The following CSTF3 variants were observed in gnomAD, a reference collection of about 807,000 sequenced individuals.
CSTF3 encodes cleavage stimulation factor subunit 3.
CSTF3 carries 29 observed loss-of-function variants against 105.8 expected under a neutral mutation model. The observed-to-expected ratio is 0.27, with a 90% CI of 0.20 to 0.37. The LOEUF is 0.37. Among genes scored for constraint, CSTF3 ranks in the 10% least tolerant of loss-of-function variants. The probability of loss-of-function intolerance (pLI) is 1.00; values close to 1 mark genes in which losing one functional copy is unlikely to be tolerated. For missense variants in CSTF3, 357 were observed against 879.3 expected, an observed-to-expected ratio of 0.41 and a Z score of 7.51; for synonymous variants, 252 against 281.9, an observed-to-expected ratio of 0.89 and a Z score of 1.06.
intron 17 of CSTF3, among the ~76,000 whole-genome samples, chr11:33,087,786 A>G (rs189462372): frequency 6.6e-6 from 1 of 152,224 alleles, no homozygotes; most frequent in Non-Finnish European, 1.5e-5. Context: ...CACACAGCTA[A>G]TAAGAAGTAG....
At chr11:33,137,486 A>C (rs1458016662) in intron 3 of CSTF3, among the ~76,000 whole-genome samples, 2 of 151,844 alleles carry the variant, frequency 1.3e-5, no homozygotes, top group African/African-American at 4.8e-5. Flanking sequence ...AGATAATTCA[A>C]TAAAACCTAA....
chr11:33,148,114 G>A (rs1443995487), intron 1 of CSTF3, among the ~76,000 whole-genome samples: 1 of 152,078 alleles, frequency 6.6e-6, no homozygotes, highest in Non-Finnish European at 1.5e-5. Flanking sequence ...ATCAGGTAAG[G>A]TATACCATAT....
intron 3 of CSTF3, among the ~76,000 whole-genome samples, chr11:33,135,326 A>C (rs1010281619): frequency 6.6e-6 from 1 of 152,200 alleles, no homozygotes; most frequent in African/African-American, 2.4e-5. Flanking sequence ...GAGACTAATC[A>C]CTTTATTGTC....
intron 13 of CSTF3, among the ~76,000 whole-genome samples, chr11:33,097,575 G>A (rs1255423759): frequency 6.6e-6 from 1 of 152,138 alleles, no homozygotes; most frequent in Non-Finnish European, 1.5e-5. Flanking sequence ...CACCATTTTA[G>A]CCAGGCTGGT....
intron 17 of CSTF3, among the ~76,000 whole-genome samples, chr11:33,089,894 G>T (rs182188938): frequency 6.6e-6 from 1 of 152,166 alleles, no homozygotes; most frequent in African/African-American, 2.4e-5. Context: ...TATCAGCAAG[G>T]GCTGTTACTG....
At position 33,141,676 on chromosome 11, in the gene CSTF3, A is replaced by G. The variant is rs764267832; in HGVS notation, c.216T>C (p.Ile72=). Residue 72 remains isoleucine (I), a synonymous_variant, in exon 3 of 21, where the codon ATT becomes ATC. Coordinates refer to ENST00000323959, the MANE Select transcript of CSTF3 (RefSeq NM_001326.3). The part of the protein sequence containing the change: ...PSSGRFWKLY[I]EAEIKAKNYD... ...AAAATAAAATAGTAACCTCTGCTTC[A>G]ATGTACAGTTTCCAGAATCTGCCAG... 1 of 1,612,408 alleles carries G rather than the reference A, an allele frequency of 6.2e-7. No individual in the cohort carries two copies. Among genetic ancestry groups the G allele is most frequent in the Non-Finnish European group, 8.5e-7 (1 of 1,179,494 alleles).
intron 9 of CSTF3, 88 bp from the exon 10 acceptor site, chr11:33,102,427 C>A: frequency 8.5e-7 from 1 of 1,173,666 alleles, no homozygotes; most frequent in Non-Finnish European, 1.2e-6. Context: ...GAAGACTGTT[C>A]AAGATGCCTA....
intron 5 of CSTF3, among the ~76,000 whole-genome samples, chr11:33,106,276 C>T (rs1855324803): frequency 6.6e-6 from 1 of 152,056 alleles, no homozygotes; most frequent in East Asian, 1.9e-4. Context: ...ATTAGCTGGG[C>T]ATGGTGGCGT....
At chr11:33,144,630 A>G (rs12293487) in intron 1 of CSTF3, among the ~76,000 whole-genome samples, 5 of 152,118 alleles carry the variant, frequency 3.3e-5, no homozygotes, top group Non-Finnish European at 7.3e-5. Flanking sequence ...AAATAAACTT[A>G]AGAGAGATCA....
At chr11:33,112,793 TA>T (rs983420099) in intron 3 of CSTF3, among the ~76,000 whole-genome samples, 9 of 151,718 alleles carry the variant, frequency 5.9e-5, no homozygotes, top group South Asian at 2.1e-4. Context: ...ATTCTAAAAA[TA>T]AAAAAAAATT....
chr11:33,146,702 A>G (rs1855787840), intron 1 of CSTF3, among the ~76,000 whole-genome samples: 2 of 152,086 alleles, frequency 1.3e-5, no homozygotes, highest in South Asian at 2.1e-4. Flanking sequence ...CAAACAACAC[A>G]TACACTTACT....
intron 3 of CSTF3, among the ~76,000 whole-genome samples, chr11:33,124,977 A>T (rs1367806693): frequency 3.3e-5 from 5 of 152,156 alleles, no homozygotes; most frequent in African/African-American, 9.7e-5. Flanking sequence ...CTATAGTTTC[A>T]TCCTCATGTG....
intron 1 of CSTF3, among the ~76,000 whole-genome samples, chr11:33,150,219 T>TAGAAAAAAAAAAAAA (rs1855841454): frequency 9.6e-6 from 1 of 104,400 alleles, no homozygotes; most frequent in East Asian, 2.8e-4. Flanking sequence ...TGTCTCAAAC[T>TAGAAAAAAAAAAAAA]AAAAAAAAAA....
rs1855248576 is a variant in CSTF3, at chr11:33,098,622, T to TA, written c.1128+67dup. 7 of 941,404 alleles carry TA rather than the reference T, an allele frequency of 7.4e-6. No individual in the cohort carries two copies. In the Admixed American group the frequency reaches 8.5e-5, roughly 11 times the overall value. The allele number at this position is 941,404 out of a possible 1,614,324, so 58.3% of individuals were successfully genotyped here. A position where few individuals can be genotyped will look rare whatever the true frequency, so the allele number is the denominator to read the frequency against. On this transcript the variant is annotated intron_variant, in intron 13 of 20. Coordinates refer to ENST00000323959, the MANE Select transcript of CSTF3 (RefSeq NM_001326.3). ...CAAAAACAGTGAATTTTATTGTATA[T>TA]AAATTTAAATTATTTTTTGTTAGAT...
intron 1 of CSTF3, among the ~76,000 whole-genome samples, chr11:33,153,795 C>T (rs1994369): frequency 0.56 from 83,728 of 150,408 alleles, 25,813 homozygotes; most frequent in Non-Finnish European, 0.69. Flanking sequence ...AGGAGCCATA[C>T]TGAAATTAAG....
chr11:33,120,112 T>G (rs1855472062), intron 3 of CSTF3, among the ~76,000 whole-genome samples: 3 of 151,626 alleles, frequency 2.0e-5, no homozygotes, highest in South Asian at 4.1e-4. Context: ...AATATTGAAA[T>G]AAAATTGTAT....
chr11:33,097,049 A>G (rs1180608918), intron 13 of CSTF3, 71 bp from the exon 14 acceptor site: 1 of 1,046,898 alleles, frequency 9.6e-7, no homozygotes, highest in Non-Finnish European at 1.3e-6. Context: ...GCAATCCTCA[A>G]TACCCAATAA....
rs1565007568 is a variant in CSTF3, at chr11:33,110,462, A to G, written c.226-2044T>C. Reference sequence around the variant, plus strand: ...TGGGCCTCTTCTTTGAGATTCCCATAGAACCTGAAGCTTCCTTGCATTCGG... The same window carrying G: ...TGGGCCTCTTCTTTGAGATTCCCATGGAACCTGAAGCTTCCTTGCATTCGG... On this transcript the variant is annotated intron_variant, in intron 3 of 20. Transcript: ENST00000323959. Among the ~76,000 whole-genome samples, 3 of 152,224 alleles carry G rather than the reference A, an allele frequency of 2.0e-5. No individual in the cohort carries two copies. In the South Asian group the frequency reaches 6.2e-4, roughly 32 times the overall value.
In CSTF3 at chr11:33,139,753, T is replaced by C. The variant is rs117574515; in HGVS notation, c.225+1914A>G. Among the ~76,000 whole-genome samples, 42 of 152,180 alleles carry C rather than the reference T, an allele frequency of 2.8e-4. No individual in the cohort carries two copies. The East Asian group carries it at 7.3e-3, about 27-fold the overall frequency. On this transcript the variant is annotated intron_variant, in intron 3 of 20. Coordinates refer to ENST00000323959, the MANE Select transcript of CSTF3 (RefSeq NM_001326.3). ...ATATACCTATTTGTGCGCGTGTGTA[T>C]GTTTGTGTGTGTGAAGTAACTGCAA... is the stretch of plus-strand genomic sequence containing the variant.
Sources: gnomAD v4.1 joint callset for allele counts (sites outside exome capture counted in the v4.1 genomes callset) on GRCh38, gnomAD v4.1.1 for gene constraint, MANE v1.5 for transcripts, NCBI Gene and HGNC (gene_info 2026-07-23, HGNC 2026-07-21) for gene names.